Variants in KDM7A observed in about 807,000 individuals in gnomAD.
The protein encoded by KDM7A is lysine-specific demethylase 7A.
A neutral mutation model predicts 114.8 loss-of-function variants in KDM7A; 28 were observed. The observed-to-expected ratio is 0.24, with a 90% CI of 0.18 to 0.33. The LOEUF (loss-of-function observed/expected upper bound fraction) is 0.33, where lower values mean the gene tolerates loss of function less well. KDM7A is among the 10% of genes least tolerant of loss of function. The probability of loss-of-function intolerance (pLI) is 1.00; values close to 1 mark genes in which losing one functional copy is unlikely to be tolerated. For missense variants in KDM7A, 942 were observed against 1,142.5 expected (o/e 0.82, Z 2.53); for synonymous variants, 423 against 397.8 (o/e 1.06, Z -0.75).
In KDM7A at chr7:140,129,566, G is replaced by A. The variant is rs1391620089; in HGVS notation, c.486C>T (p.Val162=). The change falls in exon 4 of 20, where the codon GTC becomes GTT. Residue 162 remains valine (V), a synonymous_variant. Coordinates refer to ENST00000397560, the MANE Select transcript of KDM7A (RefSeq NM_030647.2). ...EKHGFDVPIM[V]PKLDDLGLRL... Reference sequence around the variant, plus strand: ...TGAGTCCTAGATCATCTAATTTTGGGACCATAATAGGGACATCAAATCCAT... The same window carrying A: ...TGAGTCCTAGATCATCTAATTTTGGAACCATAATAGGGACATCAAATCCAT... The A allele has an allele frequency of 1.9e-6, 3 of 1,611,820 alleles. No homozygotes were observed. The highest frequency in any genetic ancestry group is 4.5e-5 in the East Asian group (2 of 44,826).
intron 1 of KDM7A, among the ~76,000 whole-genome samples, chr7:140,145,119 G>C (rs1433187627): frequency 1.3e-5 from 2 of 152,048 alleles, no homozygotes; most frequent in African/African-American, 4.8e-5. Flanking sequence ...CATTTAAACA[G>C]CCTAATACAA....
At chr7:140,174,487 CA>C (rs1370266791) in intron 1 of KDM7A, among the ~76,000 whole-genome samples, 3 of 152,226 alleles carry the variant, frequency 2.0e-5, no homozygotes, top group Admixed American at 1.3e-4. Context: ...AATTCTCCAT[CA>C]AATACCTGGG....
intron 11 of KDM7A, among the ~76,000 whole-genome samples, chr7:140,102,612 A>T (rs1818250999): frequency 6.6e-6 from 1 of 152,072 alleles, no homozygotes; most frequent in Admixed American, 6.6e-5. Flanking sequence ...AGCTCAGGGG[A>T]TCCACCTGCT....
chr7:140,142,523 C>G (rs1794295406), intron 1 of KDM7A, among the ~76,000 whole-genome samples: 1 of 151,788 alleles, frequency 6.6e-6, no homozygotes, highest in Admixed American at 6.6e-5. Context: ...TGTACAACCT[C>G]ATAAGTAACT....
At chr7:140,161,990 C>T (rs1230720886) in intron 1 of KDM7A, among the ~76,000 whole-genome samples, 1 of 152,058 alleles carries the variant, frequency 6.6e-6, no homozygotes, top group Non-Finnish European at 1.5e-5. Context: ...GTATAAGTTC[C>T]CCCAGCTTTC....
intron 1 of KDM7A, among the ~76,000 whole-genome samples, chr7:140,175,149 T>C (rs536320259): frequency 1.3e-5 from 2 of 152,338 alleles, no homozygotes; most frequent in Admixed American, 1.3e-4. Context: ...GCCTTTCTTT[T>C]AAAGTGATAA....
intron 1 of KDM7A, among the ~76,000 whole-genome samples, chr7:140,171,553 A>T (rs1794640135): frequency 7.9e-6 from 1 of 127,374 alleles, no homozygotes; most frequent in South Asian, 2.3e-4. Flanking sequence ...ATAAATATAT[A>T]TTTATTTTTA....
intron 14 of KDM7A, among the ~76,000 whole-genome samples, chr7:140,098,027 C>T (rs755096517): frequency 6.6e-6 from 1 of 152,186 alleles, no homozygotes; most frequent in Admixed American, 6.5e-5. Context: ...CCTTCCCAAA[C>T]GTAAAACGCA....
At chr7:140,135,102 A>G (rs1818846373) in intron 2 of KDM7A, among the ~76,000 whole-genome samples, 1 of 151,390 alleles carries the variant, frequency 6.6e-6, no homozygotes, top group East Asian at 1.9e-4. Flanking sequence ...AGGAAATTCC[A>G]TTAAAACATC....
Position 140,126,841 on chromosome 7 carries a change from TACACAC to T in KDM7A, c.702-24_702-19del. On this transcript the variant is annotated intron_variant, in intron 5 of 19. Transcript: ENST00000397560. ...CAGACATCCTTTCAAAAAACAAACA[TACACAC>T]ACACCCACATCATGCAAATTAAAAA... 1 of 1,582,048 alleles carries T rather than the reference TACACAC, an allele frequency of 6.3e-7. No homozygotes were observed. The highest frequency in any genetic ancestry group is 8.7e-7 in the Non-Finnish European group (1 of 1,154,464).
intron 3 of KDM7A, among the ~76,000 whole-genome samples, chr7:140,132,748 A>T (rs6464552): frequency 6.6e-6 from 1 of 152,094 alleles, no homozygotes; most frequent in Admixed American, 6.5e-5. Context: ...ATGTTTCTGC[A>T]TAAGGATTAA....
chr7:140,129,365 T>C, intron 4 of KDM7A, 128 bp downstream of exon 4: 1 of 750,448 alleles, frequency 1.3e-6, no homozygotes, highest in Non-Finnish European at 2.2e-6. Flanking sequence ...ATATAGATGA[T>C]ACTGAGCCTC....
In KDM7A at chr7:140,096,781, CA is replaced by C; in HGVS notation, c.2166-19del. 6.2e-7 allele frequency: 1 copy of C among 1,604,786 alleles called. No homozygotes were observed. The highest frequency in any genetic ancestry group is 8.5e-7 in the Non-Finnish European group (1 of 1,174,982). ...GACATTCCCTAAAGAAGAGATGATC[CA>C]AAAACACAAGAGTCTATTTTTTCTG... On this transcript the variant is annotated intron_variant, in intron 16 of 19. Coordinates refer to ENST00000397560, the MANE Select transcript of KDM7A (RefSeq NM_030647.2).
intron 1 of KDM7A, among the ~76,000 whole-genome samples, chr7:140,174,094 G>A (rs1409628975): frequency 6.6e-6 from 1 of 151,758 alleles, no homozygotes; most frequent in Non-Finnish European, 1.5e-5. Context: ...AACCCGGGAG[G>A]CGGAGTTTGC....
intron 18 of KDM7A, 21 bp downstream of exon 18, chr7:140,094,035 C>A (rs199944361): frequency 1.5e-6 from 2 of 1,370,752 alleles, no homozygotes; most frequent in African/African-American, 2.9e-5. Flanking sequence ...CTCCTTTTAA[C>A]GTTTCAAACT....
intron 14 of KDM7A, 79 bp downstream of exon 14, chr7:140,098,800 T>C: frequency 7.7e-7 from 1 of 1,297,906 alleles, no homozygotes; most frequent in South Asian, 1.3e-5. Context: ...ACTTAAGAAC[T>C]TCAAAATTAG....
Position 140,090,192 on chromosome 7 carries a change from G to C in KDM7A, c.*902C>G, listed in dbSNP as rs1207381478. 1 of 151,886 alleles carries C rather than the reference G, an allele frequency of 6.6e-6. No homozygotes were observed. The highest frequency in any genetic ancestry group is 1.5e-5 in the Non-Finnish European group (1 of 67,978). The allele number at this position is 151,886 out of a possible 1,614,324, so 9.4% of individuals were successfully genotyped here. The stretch of plus-strand genomic sequence containing the variant: ...AAATATATTAAAGCTGCTCTCTTTG[G>C]GACCCAGATATCATCAGCAGAAATG... On this transcript the variant is annotated 3_prime_UTR_variant, in exon 20 of 20. Transcript: ENST00000397560.
chr7:140,107,330 A>C (rs568537969), intron 11 of KDM7A, among the ~76,000 whole-genome samples: 27 of 152,160 alleles, frequency 1.8e-4, no homozygotes, highest in African/African-American at 6.3e-4. Context: ...TTAGCTGCTT[A>C]TTTTGCTTGT....
chr7:140,133,788 T>C (rs1818828311), intron 2 of KDM7A, 132 bp from the exon 3 acceptor site: 1 of 509,686 alleles, frequency 2.0e-6, no homozygotes, highest in Non-Finnish European at 3.5e-6. Context: ...TTTTAATGCA[T>C]TTCCAGGCCT....
Sources: allele counts gnomAD v4.1 joint callset (sites outside exome capture counted in the v4.1 genomes callset), GRCh38; gene constraint gnomAD v4.1.1; transcripts MANE v1.5; gene names NCBI Gene and HGNC (gene_info 2026-07-23, HGNC 2026-07-21).